Variants in CNST observed in about 807,000 individuals in gnomAD.
The protein encoded by CNST is consortin, connexin sorting protein.
In CNST, 39 loss-of-function variants were observed where a neutral mutation model predicts 72.4. That is an observed-to-expected ratio of 0.54 (90% CI 0.42 to 0.70). The LOEUF (loss-of-function observed/expected upper bound fraction) is 0.70, where lower values mean the gene tolerates loss of function less well. Ranked by LOEUF, CNST falls within the 30% of genes least tolerant of loss-of-function variation. The pLI, the probability that CNST is intolerant of heterozygous loss-of-function variation, is 0.00. For synonymous variants in CNST, 332 were observed against 320.1 expected (o/e 1.04, Z -0.40); for missense variants, 871 against 868.5 (o/e 1.00, Z -0.04).
chr1:246,622,014 A>G (rs1367979419), intron 3 of CNST, among the ~76,000 whole-genome samples: 1 of 152,296 alleles, frequency 6.6e-6, no homozygotes. Flanking sequence ...ATAAATAAAT[A>G]TAAAAATAAA....
intron 6 of CNST, among the ~76,000 whole-genome samples, chr1:246,640,499 C>T (rs1472690680): frequency 6.6e-6 from 1 of 152,022 alleles, no homozygotes; most frequent in Non-Finnish European, 1.5e-5. Flanking sequence ...AAAAAAAATT[C>T]CTTATTCAGA....
intron 2 of CNST, among the ~76,000 whole-genome samples, chr1:246,604,850 G>A (rs1662596591): frequency 6.6e-6 from 1 of 152,104 alleles, no homozygotes; most frequent in Admixed American, 6.5e-5. Flanking sequence ...TGGATTTTTA[G>A]TAGAGATGGG....
intron 1 of CNST, among the ~76,000 whole-genome samples, chr1:246,570,681 A>AG (rs11423522): frequency 0.32 from 48,664 of 151,964 alleles, 8,267 homozygotes; most frequent in Admixed American, 0.39. Context: ...GATGTTCTAT[A>AG]AGAAAATAAT....
intron 3 of CNST, among the ~76,000 whole-genome samples, chr1:246,626,451 C>CTTTTTTTTTT (rs74163468): frequency 5.0e-5 from 4 of 79,958 alleles, no homozygotes; most frequent in African/African-American, 4.8e-5. Flanking sequence ...TAGGTTTGTC[C>CTTTTTTTTTT]TTTTTTTTTT....
intron 2 of CNST, among the ~76,000 whole-genome samples, chr1:246,619,808 G>A (rs1413825098): frequency 1.3e-5 from 2 of 152,242 alleles, no homozygotes; most frequent in African/African-American, 4.8e-5. Context: ...GCAGTAGAAG[G>A]CAGGGCTCTG....
chr1:246,603,983 G>C (rs1350196006), intron 2 of CNST, among the ~76,000 whole-genome samples: 1 of 152,212 alleles, frequency 6.6e-6, no homozygotes, highest in African/African-American at 2.4e-5. Context: ...CACCACTTTG[G>C]GAGGCCTAGG....
chr1:246,591,823 G>T lies in CNST; in HGVS notation c.261G>T (p.Leu87Phe). 1 of 1,613,906 alleles carries T rather than the reference G, an allele frequency of 6.2e-7. No individual in the cohort carries two copies. Among genetic ancestry groups the T allele is most frequent in the Non-Finnish European group, 8.5e-7 (1 of 1,179,964 alleles). Residue 87 changes from leucine to phenylalanine, a missense_variant, in exon 2 of 11, where the codon TTG (leucine) becomes TTT (phenylalanine). Transcript: ENST00000366513. ...GCGAGGTGGCTGCAGGTGAGAACTT[G>T]CAAAACACCCTTTGTGAAGCCTCCA... ...LSCEVAAGEN[L>F]QNTLCEASRD...
rs568671683 is a variant in CNST, at chr1:246,589,422, T to C, written c.-51-2090T>C. 7.3e-5 allele frequency among the ~76,000 whole-genome samples: 11 copies of C among 151,454 alleles called. No homozygotes were observed. The South Asian group carries it at 2.3e-3, about 32-fold the overall frequency. ...GAATGATGGTTTCCAGCTTCATCCA[T>C]GTCCCTACAAAGGACATGAACTCAT... is the stretch of plus-strand genomic sequence containing the variant. On this transcript the variant is annotated intron_variant, in intron 1 of 10. Coordinates refer to ENST00000366513, the MANE Select transcript of CNST (RefSeq NM_152609.3).
At chr1:246,658,271 T>A (rs1332836146) in intron 9 of CNST, among the ~76,000 whole-genome samples, 1 of 151,060 alleles carries the variant, frequency 6.6e-6, no homozygotes, top group Non-Finnish European at 1.5e-5. Flanking sequence ...TAAGACTGTT[T>A]CCCTCTCAGT....
At chr1:246,634,123 A>G (rs116240447) in intron 5 of CNST, 113 bp downstream of exon 5, 8,714 of 728,364 alleles carry the variant, frequency 0.012, 73 homozygotes, top group Middle Eastern at 0.023. Flanking sequence ...TGTTTCCATA[A>G]ACAAGTTAAT....
intron 2 of CNST, among the ~76,000 whole-genome samples, chr1:246,596,984 CT>C (rs1391844178): frequency 2.0e-5 from 3 of 152,152 alleles, no homozygotes; most frequent in African/African-American, 7.2e-5. Flanking sequence ...TGTTTGGGTT[CT>C]TTCCACTTTT....
At chr1:246,566,928 G>C (rs1399282527) in intron 1 of CNST, 2 of 337,230 alleles carry the variant, frequency 5.9e-6, no homozygotes, top group Non-Finnish European at 1.1e-5. Context: ...GCCAGAAGTC[G>C]TTCCTCACCC....
intron 8 of CNST, among the ~76,000 whole-genome samples, chr1:246,646,544 G>A (rs1186569705): frequency 2.6e-5 from 4 of 152,104 alleles, no homozygotes; most frequent in African/African-American, 9.7e-5. Context: ...GCAATGGCGT[G>A]ATCTCAGGTA....
intron 6 of CNST, among the ~76,000 whole-genome samples, chr1:246,635,373 A>G (rs1274971155): frequency 6.6e-6 from 1 of 151,500 alleles, no homozygotes; most frequent in Non-Finnish European, 1.5e-5. Context: ...AAACAGGAGG[A>G]CCCCAATGAT....
chr1:246,656,613 C>T (rs943949718), intron 9 of CNST, among the ~76,000 whole-genome samples: 4 of 152,170 alleles, frequency 2.6e-5, no homozygotes, highest in Admixed American at 1.3e-4. Context: ...CCTTTTAATA[C>T]TGACACTATA....
intron 1 of CNST, among the ~76,000 whole-genome samples, chr1:246,582,573 A>G (rs1158606716): frequency 6.6e-6 from 1 of 152,096 alleles, no homozygotes; most frequent in Admixed American, 6.5e-5. Context: ...ATGGCCCACT[A>G]GGGGAAGAAA....
chr1:246,595,219 T>C (rs2103030680), intron 2 of CNST, among the ~76,000 whole-genome samples: 1 of 152,244 alleles, frequency 6.6e-6, no homozygotes, highest in East Asian at 1.9e-4. Context: ...TAATCCTTTC[T>C]AGATGTGGAA....
At chr1:246,622,043 G>A (rs540335081) in intron 3 of CNST, among the ~76,000 whole-genome samples, 1 of 152,140 alleles carries the variant, frequency 6.6e-6, no homozygotes, top group Admixed American at 6.5e-5. Context: ...TGCAATCTCT[G>A]TAAAATTGAC....
chr1:246,635,743 T>A (rs1352812360), intron 6 of CNST, among the ~76,000 whole-genome samples: 2 of 152,208 alleles, frequency 1.3e-5, no homozygotes, highest in Non-Finnish European at 2.9e-5. Flanking sequence ...CTATTTAGCA[T>A]ATATGTGGGA....
Sources: gnomAD v4.1 joint callset for allele counts (sites outside exome capture counted in the v4.1 genomes callset) on GRCh38, gnomAD v4.1.1 for gene constraint, MANE v1.5 for transcripts, NCBI Gene and HGNC (gene_info 2026-07-23, HGNC 2026-07-21) for gene names.